ZSCAN18: variants seen among roughly 807,000 people sequenced by gnomAD.
ZSCAN18 encodes zinc finger and SCAN domain-containing protein 18.
A neutral mutation model predicts 31.1 loss-of-function variants in ZSCAN18; 16 were observed. That is an observed-to-expected ratio of 0.51 (90% CI 0.35 to 0.78). The LOEUF is 0.78. Among genes scored for constraint, ZSCAN18 ranks in the 30% least tolerant of loss-of-function variants. The pLI is 0.01. For missense variants in ZSCAN18, 731 were observed against 697.4 expected (o/e 1.05, Z -0.54); for synonymous variants, 375 against 320.7 (o/e 1.17, Z -1.81).
intron 5 of ZSCAN18, 163 bp downstream of exon 5, chr19:58,086,743 T>TGGG (rs2074288441): frequency 3.4e-6 from 2 of 589,122 alleles, no homozygotes; most frequent in Admixed American, 6.2e-5. Flanking sequence ...TCAGAAAGGG[T>TGGG]GGGGGCTTCA....
Position 58,084,815 on chromosome 19 carries a change from C to T in ZSCAN18, c.1403G>A (p.Ser468Asn). 6.3e-7 allele frequency: 1 copy of T among 1,590,840 alleles called. No homozygotes were observed. Among genetic ancestry groups the T allele is most frequent in the South Asian group, 1.1e-5 (1 of 88,534 alleles). Residue 468 changes from serine to asparagine, a missense_variant, in exon 7 of 7, where the codon AGC (serine) becomes AAC (asparagine). Physicochemically the swap from Ser to Asn is conservative, Grantham distance 46. Transcript: ENST00000601144. This position sits in a 1 kb window ranked among gnomAD's most constrained non-coding sequence, Gnocchi z 4.5. ...GCCCCGGGCGCCCCCCAGCGCGTAG[C>T]TTTTCTCCTTCTCGTGGGTCTTCTG... ...EHQKTHEKEK[S>N]YALGGARGPQ...
In ZSCAN18 at chr19:58,090,054, C is replaced by T; in HGVS notation, c.214G>A (p.Glu72Lys). Residue 72 changes from glutamate (E) to lysine (K), a missense_variant, in exon 2 of 7, where the codon GAG becomes AAG. Around this residue, in one of 4 missense-constraint regions of ZSCAN18, gnomAD observed 86 missense variants for 119.1 expected, o/e 0.72. Transcript: ENST00000601144. The surrounding 1 kb of genome is among the most constrained non-coding windows in gnomAD (Gnocchi z 4.7). ...GPHQTLARLH[E>K]LCRQWLMPEA... ...GGCATCAGCCACTGGCGGCACAGCT[C>T]ATGCAGCCGGGCCAGGGTCTGGTGG... The T allele has an allele frequency of 6.2e-7, 1 of 1,613,918 alleles. No homozygotes were observed.
intron 1 of ZSCAN18, chr19:58,108,218 T>C: frequency 5.1e-6 from 5 of 985,630 alleles, no homozygotes; most frequent in Non-Finnish European, 6.0e-6. Flanking sequence ...TAATAAGTTA[T>C]GTGTGATCAA....
At chr19:58,117,258 T>C (rs925654153) in intron 1 of ZSCAN18, among the ~76,000 whole-genome samples, 5 of 151,502 alleles carry the variant, frequency 3.3e-5, no homozygotes, top group Admixed American at 2.0e-4. Flanking sequence ...AAGACTGAGT[T>C]TGGGGGAGAG....
chr19:58,098,460 A>G (rs1206845112), upstream of ZSCAN18: 1 of 777,494 alleles, frequency 1.3e-6, no homozygotes, highest in African/African-American at 1.9e-5. Context: ...TAGACCCCTG[A>G]CAGCCAGAGA....
At chr19:58,111,401 C>A (rs754175715) in intron 1 of ZSCAN18, among the ~76,000 whole-genome samples, 12 of 152,210 alleles carry the variant, frequency 7.9e-5, no homozygotes, top group Non-Finnish European at 1.8e-4. Context: ...GGCAGGAATG[C>A]GGTGGTGTGA....
At chr19:58,099,964 G>GTTTTTGT (rs2074579012), upstream of ZSCAN18, among the ~76,000 whole-genome samples, 2 of 136,114 alleles carry the variant, frequency 1.5e-5, no homozygotes, top group African/African-American at 2.7e-5. Flanking sequence ...TGAAAGCTAT[G>GTTTTTGT]TTTTTTTTTT....
In ZSCAN18 at chr19:58,090,935, G is replaced by A. The variant is rs954996734; in HGVS notation, c.-119-549C>T. On this transcript the variant is annotated intron_variant, in intron 1 of 6. Coordinates refer to ENST00000601144, the MANE Select transcript of ZSCAN18 (RefSeq NM_001145543.2). The surrounding 1 kb of genome is among the most constrained non-coding windows in gnomAD (Gnocchi z 4.7). ...AATCAGTCATGAATAGGATGAAAAT[G>A]AAAAATTACTTGACAATCTCTATGT... 6.6e-6 allele frequency among the ~76,000 whole-genome samples: 1 copy of A among 151,700 alleles called. No individual in the cohort carries two copies. The highest frequency in any genetic ancestry group is 2.4e-5 in the African/African-American group (1 of 41,332).
intron 2 of ZSCAN18, 28 bp downstream of exon 2, chr19:58,089,837 G>A (rs772659787): frequency 2.5e-6 from 4 of 1,584,716 alleles, no homozygotes; most frequent in Non-Finnish European, 3.4e-6. Context: ...TCTCCTCTGA[G>A]CCATGCTTCT....
chr19:58,088,987 A>T, intron 2 of ZSCAN18, 150 bp from the exon 3 acceptor site: 1 of 722,748 alleles, frequency 1.4e-6, no homozygotes, highest in South Asian at 2.3e-5. Flanking sequence ...TCCAGCCTGC[A>T]AAGTACCCAG....
chr19:58,097,965 C>T lies in ZSCAN18; in HGVS notation c.-120+209G>A, dbSNP rs993759457. 20 of 985,530 alleles carry T rather than the reference C, an allele frequency of 2.0e-5. No individual in the cohort carries two copies. The Admixed American group carries it at 3.1e-4, about 15-fold the overall frequency. 61.0% of individuals were successfully genotyped at this position (985,530 alleles called of 1,614,324 possible). On this transcript the variant is annotated intron_variant, in intron 1 of 6. Coordinates refer to ENST00000601144, the MANE Select transcript of ZSCAN18 (RefSeq NM_001145543.2). The stretch of plus-strand genomic sequence containing the variant: ...GGCCCCTCACCGATCTGGATCTCAG[C>T]CACCTCCGGGGGGACCCGGCCCCTG...
intron 1 of ZSCAN18, 116 bp downstream of exon 1, chr19:58,098,058 C>G: frequency 1.0e-6 from 1 of 985,732 alleles, no homozygotes; most frequent in African/African-American, 1.7e-5. Context: ...GCTCGCACCC[C>G]AACCCCGGGA....
At chr19:58,086,304 AAC>A (rs2074279109) in intron 5 of ZSCAN18, 38 bp from the exon 6 acceptor site, 3 of 1,588,778 alleles carry the variant, frequency 1.9e-6, no homozygotes, top group East Asian at 2.2e-5. Flanking sequence ...AAAAGGCATC[AAC>A]ACAGAGTGGC....
upstream of ZSCAN18, chr19:58,098,488 G>T: frequency 1.6e-6 from 1 of 612,614 alleles, no homozygotes; most frequent in Non-Finnish European, 2.0e-6. Flanking sequence ...AAACAAAGAC[G>T]GTGAGAAACG....
At chr19:58,097,523 A>C (rs1442863078) in intron 1 of ZSCAN18, among the ~76,000 whole-genome samples, 1 of 151,656 alleles carries the variant, frequency 6.6e-6, no homozygotes, top group Non-Finnish European at 1.5e-5. Flanking sequence ...GAGAGGCGAG[A>C]TATTCCAAGG....
intron 1 of ZSCAN18, among the ~76,000 whole-genome samples, chr19:58,091,162 G>A (rs1052050152): frequency 6.6e-6 from 1 of 151,138 alleles, no homozygotes; most frequent in Non-Finnish European, 1.5e-5. Flanking sequence ...CCAGCTACTT[G>A]GGAGGCTGAG....
chr19:58,084,980 T>C lies in ZSCAN18; in HGVS notation c.1238A>G (p.Tyr413Cys), dbSNP rs764044511. Residue 413 changes from tyrosine (Y) to cysteine (C), a missense_variant, in exon 7 of 7, where the codon TAT (tyrosine) becomes TGT (cysteine). Physicochemically the swap from Tyr to Cys is radical, Grantham distance 194. Around this residue, in one of 4 missense-constraint regions of ZSCAN18, gnomAD observed 597 missense variants for 499.5 expected, o/e 1.20. Coordinates refer to ENST00000601144, the MANE Select transcript of ZSCAN18 (RefSeq NM_001145543.2). This position sits in a 1 kb window ranked among gnomAD's most constrained non-coding sequence, Gnocchi z 4.5. ...DEPGLSRGKP[Y>C]ACGECGEAFA... ...GGCCTCCCCGCACTCGCCGCAGGCA[T>C]AGGGCTTCCCGCGGGACAAGCCCGG... is the stretch of plus-strand genomic sequence containing the variant. The C allele has an allele frequency of 3.8e-6, 6 of 1,599,518 alleles. No individual in the cohort carries two copies. The highest frequency in any genetic ancestry group is 5.1e-6 in the Non-Finnish European group (6 of 1,174,410).
chr19:58,097,324 G>A (rs1459710908), intron 1 of ZSCAN18, among the ~76,000 whole-genome samples: 2 of 152,054 alleles, frequency 1.3e-5, no homozygotes, highest in Non-Finnish European at 2.9e-5. Flanking sequence ...ATTGGGAAAA[G>A]GAAGGAGCCC....
intron 1 of ZSCAN18, among the ~76,000 whole-genome samples, chr19:58,115,222 T>C (rs951177407): frequency 1.3e-5 from 2 of 152,206 alleles, no homozygotes; most frequent in Admixed American, 6.5e-5. Context: ...TTCAATCCTA[T>C]TTAATCTGTT....
Sources: allele counts gnomAD v4.1 joint callset (sites outside exome capture counted in the v4.1 genomes callset), GRCh38; gene constraint gnomAD v4.1.1; regional missense constraint gnomAD v4.1.1; non-coding constraint Gnocchi (gnomAD v3.1); transcripts MANE v1.5; gene names NCBI Gene and HGNC (gene_info 2026-07-23, HGNC 2026-07-21).